PTPRT: variants seen among roughly 807,000 people sequenced by gnomAD.
PTPRT encodes the protein protein tyrosine phosphatase receptor type T, also known as receptor-type tyrosine-protein phosphatase T.
In PTPRT, 56 loss-of-function variants were observed where a neutral mutation model predicts 176.8. That is an observed-to-expected ratio of 0.32 (90% confidence interval 0.26 to 0.40). The LOEUF (loss-of-function observed/expected upper bound fraction) is 0.40, where lower values mean the gene tolerates loss of function less well. Among genes scored for constraint, PTPRT ranks in the 10% least tolerant of loss-of-function variants. The probability of loss-of-function intolerance (pLI) is 1.00; values close to 1 mark genes in which losing one functional copy is unlikely to be tolerated. For synonymous variants in PTPRT, 783 were observed against 739.0 expected (o/e 1.06, Z -0.96); for missense variants, 1,540 against 1,908.2 (o/e 0.81, Z 3.60).
chr20:42,242,006 A>G (rs778836918), intron 14 of PTPRT, among the ~76,000 whole-genome samples: 1 of 152,206 alleles, frequency 6.6e-6, no homozygotes, highest in Non-Finnish European at 1.5e-5. Flanking sequence ...TAATTTCCTT[A>G]AACTCTATTT....
intron 1 of PTPRT, among the ~76,000 whole-genome samples, chr20:42,903,960 G>T (rs558832): frequency 6.6e-6 from 1 of 152,058 alleles, no homozygotes; most frequent in Non-Finnish European, 1.5e-5. Flanking sequence ...TGTACACAAA[G>T]GAGAAGCAGG....
chr20:42,070,165 A>T (rs1982263087), downstream of PTPRT, among the ~76,000 whole-genome samples: 1 of 151,826 alleles, frequency 6.6e-6, no homozygotes, highest in Non-Finnish European at 1.5e-5. Flanking sequence ...AGGGAATCAA[A>T]TCCCTCTTCT....
intron 1 of PTPRT, among the ~76,000 whole-genome samples, chr20:42,934,982 C>T (rs1231781964): frequency 6.8e-6 from 1 of 147,666 alleles, no homozygotes; most frequent in Non-Finnish European, 1.5e-5. Flanking sequence ...GAGGCTGAGG[C>T]AAGAGAATCA....
intron 11 of PTPRT, among the ~76,000 whole-genome samples, chr20:42,347,268 C>T (rs1181942338): frequency 3.3e-5 from 5 of 152,158 alleles, no homozygotes; most frequent in East Asian, 1.9e-4. Context: ...AAAATTTATT[C>T]GAAGCATCCT....
chr20:42,069,336 C>G (rs1182693539), downstream of PTPRT, among the ~76,000 whole-genome samples: 2 of 152,214 alleles, frequency 1.3e-5, no homozygotes, highest in Non-Finnish European at 2.9e-5. Flanking sequence ...CTTCTAGGCT[C>G]TATAGCAGGA....
At chr20:42,603,033 C>T (rs1367224571) in intron 7 of PTPRT, among the ~76,000 whole-genome samples, 2 of 152,134 alleles carry the variant, frequency 1.3e-5, no homozygotes, top group Non-Finnish European at 2.9e-5. Context: ...TTCATTTATT[C>T]ACTTACCCAA....
intron 7 of PTPRT, among the ~76,000 whole-genome samples, chr20:42,531,764 C>T (rs2072388912): frequency 6.6e-6 from 1 of 152,240 alleles, no homozygotes. Flanking sequence ...TAGATGTTGG[C>T]TGTCCTCCAC....
intron 1 of PTPRT, among the ~76,000 whole-genome samples, chr20:42,915,024 C>T (rs1186906356): frequency 6.6e-6 from 1 of 151,992 alleles, no homozygotes; most frequent in African/African-American, 2.4e-5. Context: ...ATATGCTATC[C>T]AATGATTAAT....
At position 42,561,336 on chromosome 20, in the gene PTPRT, C is replaced by T. The variant is rs1319435731; in HGVS notation, c.1154-88774G>A. The stretch of plus-strand genomic sequence containing the variant: ...GCTGAGGCCAAGGGCAGAGGCTGGG[C>T]CGGGACTCTAGAAGGCAGCAGGGAG... On this transcript the variant is annotated intron_variant, in intron 7 of 30. Coordinates refer to ENST00000373187, the MANE Select transcript of PTPRT (RefSeq NM_007050.6). Among the ~76,000 whole-genome samples the T allele has an allele frequency of 2.6e-5, 4 of 152,190 alleles. No homozygotes were observed. In the South Asian group the frequency reaches 8.3e-4, roughly 31 times the overall value.
At chr20:42,164,056 C>T (rs1310484803) in intron 16 of PTPRT, among the ~76,000 whole-genome samples, 1 of 152,160 alleles carries the variant, frequency 6.6e-6, no homozygotes, top group East Asian at 1.9e-4. Context: ...ATGCTGCATA[C>T]CTAAAGCTTG....
chr20:42,268,291 G>A (rs932945257), intron 13 of PTPRT, among the ~76,000 whole-genome samples: 2 of 152,176 alleles, frequency 1.3e-5, no homozygotes, highest in African/African-American at 4.8e-5. Context: ...CCTGTCAGAG[G>A]AGGAACATTC....
intron 2 of PTPRT, among the ~76,000 whole-genome samples, chr20:42,873,848 G>C (rs933102006): frequency 1.3e-5 from 2 of 152,100 alleles, no homozygotes; most frequent in Non-Finnish European, 2.9e-5. Context: ...ATTTTTTAGA[G>C]ACATCTCAGC....
intron 7 of PTPRT, among the ~76,000 whole-genome samples, chr20:42,483,052 T>C (rs62204942): frequency 0.01 from 1,559 of 152,252 alleles, 14 homozygotes; most frequent in Middle Eastern, 0.017. Flanking sequence ...AAGGGATCGA[T>C]TGGATAAAAA....
intron 17 of PTPRT, among the ~76,000 whole-genome samples, chr20:42,142,617 T>C (rs957598572): frequency 3.3e-5 from 5 of 152,234 alleles, no homozygotes; most frequent in Non-Finnish European, 7.3e-5. Flanking sequence ...CCTGAAACCA[T>C]GGATATTACC....
chr20:43,094,959 G>A (rs1325838137), intron 1 of PTPRT, among the ~76,000 whole-genome samples: 2 of 152,172 alleles, frequency 1.3e-5, no homozygotes, highest in South Asian at 2.1e-4. Context: ...TAAGCTGAAC[G>A]TTGAGGGATG....
intron 1 of PTPRT, among the ~76,000 whole-genome samples, chr20:43,164,885 T>C (rs2014812659): frequency 6.6e-6 from 1 of 152,190 alleles, no homozygotes; most frequent in South Asian, 2.1e-4. Context: ...TCACAGGCCA[T>C]ACAAAAACAG....
chr20:42,507,930 G>A (rs186506265), intron 7 of PTPRT, among the ~76,000 whole-genome samples: 3 of 151,794 alleles, frequency 2.0e-5, no homozygotes, highest in Non-Finnish European at 4.4e-5. Flanking sequence ...GGGTCACATA[G>A]GTAGCCCAAG....
At chr20:42,154,109 G>A (rs1989249293) in intron 17 of PTPRT, among the ~76,000 whole-genome samples, 1 of 152,174 alleles carries the variant, frequency 6.6e-6, no homozygotes, top group Admixed American at 6.5e-5. Flanking sequence ...AGAACCCCAT[G>A]GATTTCCCAT....
At chr20:42,846,076 C>T (rs760694568) in intron 2 of PTPRT, among the ~76,000 whole-genome samples, 28 of 152,208 alleles carry the variant, frequency 1.8e-4, no homozygotes, top group Non-Finnish European at 3.2e-4. Context: ...TCACGCCCAC[C>T]ACCCACCAGC....
Sources: allele counts gnomAD v4.1 joint callset (sites outside exome capture counted in the v4.1 genomes callset), GRCh38; gene constraint gnomAD v4.1.1; transcripts MANE v1.5; gene names NCBI Gene and HGNC (gene_info 2026-07-23, HGNC 2026-07-21).